The following SLC39A8 variants were observed in gnomAD, a reference collection of about 807,000 sequenced individuals.
The protein encoded by SLC39A8 is metal cation symporter ZIP8.
A neutral mutation model predicts 40.4 loss-of-function variants in SLC39A8; 15 were observed. That is an observed-to-expected ratio of 0.37 (90% CI 0.25 to 0.57). The LOEUF (loss-of-function observed/expected upper bound fraction) is 0.57, where lower values mean the gene tolerates loss of function less well. SLC39A8 is among the 20% of genes least tolerant of loss of function. The pLI, the probability that SLC39A8 is intolerant of heterozygous loss-of-function variation, is 0.75. For synonymous variants in SLC39A8, 223 were observed against 221.6 expected (o/e 1.01, Z -0.06); for missense variants, 472 against 558.8 (o/e 0.84, Z 1.57).
chr4:102,310,014 A>C (rs1290297078), intron 3 of SLC39A8, among the ~76,000 whole-genome samples: 1 of 151,938 alleles, frequency 6.6e-6, no homozygotes, highest in Non-Finnish European at 1.5e-5. Context: ...ACAGACTTAT[A>C]CTAAATCACA....
intron 2 of SLC39A8, among the ~76,000 whole-genome samples, chr4:102,336,961 A>T (rs1012149377): frequency 6.6e-6 from 1 of 152,194 alleles, no homozygotes; most frequent in Non-Finnish European, 1.5e-5. Flanking sequence ...GTTTAGTAAC[A>T]TTCTTTTTTT....
rs921394951 is a variant in SLC39A8 at position 102,268,015 on chromosome 4, G to A, written c.905C>T (p.Thr302Met). The change falls in exon 7 of 9, where the codon ACG (threonine) becomes ATG (methionine). Residue 302 changes from threonine (T) to methionine (M), a missense_variant. By Grantham distance (81) the Thr-to-Met change is moderately conservative. Transcript: ENST00000356736. ...GCAGAGCGTTATCATCCAGGCAATCGTCCCTATTTCTGACAGTTTGGGCCC... is the reference window on the plus strand; with the variant it reads ...GCAGAGCGTTATCATCCAGGCAATCATCCCTATTTCTGACAGTTTGGGCCC... ...LKGPKLSEIG[T>M]IAWMITLCDA... is the part of the protein sequence containing the mutation. 9 of 1,614,192 alleles carry A rather than the reference G, an allele frequency of 5.6e-6. No individual in the cohort carries two copies. Among genetic ancestry groups the A allele is most frequent in the Non-Finnish European group, 5.1e-6 (6 of 1,180,038 alleles).
In SLC39A8 at chr4:102,305,023, C is replaced by T; in HGVS notation, c.641G>A (p.Arg214Lys). The change falls in exon 5 of 9, where the codon AGA (arginine) becomes AAA (lysine). Residue 214 changes from arginine to lysine, a missense_variant. Arg to Lys is a conservative substitution (Grantham distance 26, BLOSUM62 2). Around this residue, in one of 4 missense-constraint regions of SLC39A8, gnomAD observed 239 missense variants for 317.9 expected, o/e 0.75. Transcript: ENST00000356736. Reference protein sequence around the residue: ...GGFYLLFFFERMLKMLLKTYG... With the variant: ...GGFYLLFFFEKMLKMLLKTYG... The stretch of plus-strand genomic sequence containing the variant: ...TGTCTTTAATAACATCTTTAGCATT[C>T]TTTCAAAAAAGAAAAGTAGGTAAAA... 1 of 1,607,824 alleles carries T rather than the reference C, an allele frequency of 6.2e-7. No homozygotes were observed. Among genetic ancestry groups the T allele is most frequent in the Non-Finnish European group, 8.5e-7 (1 of 1,175,780 alleles).
intron 6 of SLC39A8, among the ~76,000 whole-genome samples, chr4:102,295,493 C>A (rs17032496): frequency 3.3e-5 from 5 of 152,002 alleles, no homozygotes; most frequent in Non-Finnish European, 7.4e-5. Flanking sequence ...CACATTCATA[C>A]CTAATCTTAT....
chr4:102,313,220 C>T (rs984866020), intron 3 of SLC39A8, among the ~76,000 whole-genome samples: 1 of 152,250 alleles, frequency 6.6e-6, no homozygotes, highest in Admixed American at 6.5e-5. Flanking sequence ...GGCTCTACCA[C>T]ATGCAAGTTG....
intron 6 of SLC39A8, among the ~76,000 whole-genome samples, chr4:102,273,950 A>G (rs1297232693): frequency 2.0e-5 from 3 of 152,248 alleles, no homozygotes; most frequent in Non-Finnish European, 2.9e-5. Context: ...GAAGGTCACC[A>G]ACAGCAAAGA....
At chr4:102,305,185 G>T in intron 4 of SLC39A8, 74 bp from the exon 5 acceptor site, 1 of 1,438,658 alleles carries the variant, frequency 7.0e-7, no homozygotes, top group Non-Finnish European at 9.5e-7. Context: ...ATACCAGTAT[G>T]CAATTCTCAC....
chr4:102,266,029 T>C (rs1359865156), intron 8 of SLC39A8, among the ~76,000 whole-genome samples: 1 of 152,240 alleles, frequency 6.6e-6, no homozygotes. Flanking sequence ...TAGTTTATTC[T>C]AGATTCCTTT....
At chr4:102,261,453 C>T (rs1007319446), downstream of SLC39A8, among the ~76,000 whole-genome samples, 13 of 152,166 alleles carry the variant, frequency 8.5e-5, no homozygotes, top group African/African-American at 2.7e-4. Context: ...TACTAAGTAA[C>T]GAGAGATCAT....
intron 2 of SLC39A8, among the ~76,000 whole-genome samples, chr4:102,319,387 T>C (rs1030918902): frequency 6.6e-6 from 1 of 152,182 alleles, no homozygotes; most frequent in Non-Finnish European, 1.5e-5. Flanking sequence ...TCTCCTTGAC[T>C]AAACTGCAGT....
intron 6 of SLC39A8, among the ~76,000 whole-genome samples, chr4:102,288,633 T>C (rs936313128): frequency 1.3e-5 from 2 of 152,002 alleles, no homozygotes; most frequent in African/African-American, 2.4e-5. Flanking sequence ...TTGAAGGAAA[T>C]TAAAAGTGCT....
chr4:102,332,722 T>C (rs2149052263), intron 2 of SLC39A8, among the ~76,000 whole-genome samples: 1 of 152,344 alleles, frequency 6.6e-6, no homozygotes, highest in South Asian at 2.1e-4. Context: ...AACACATATG[T>C]TTATTGCAGC....
At chr4:102,341,989 T>C (rs1735964150) in intron 2 of SLC39A8, among the ~76,000 whole-genome samples, 1 of 152,224 alleles carries the variant, frequency 6.6e-6, no homozygotes, top group African/African-American at 2.4e-5. Flanking sequence ...ATGTGCATTG[T>C]TTATTCCACC....
At chr4:102,312,548 C>A (rs1184475827) in intron 3 of SLC39A8, among the ~76,000 whole-genome samples, 1 of 152,072 alleles carries the variant, frequency 6.6e-6, no homozygotes, top group Non-Finnish European at 1.5e-5. Context: ...GAGTAATTAA[C>A]TTGCACAGAG....
Position 102,261,855 on chromosome 4 carries a change from C to T in SLC39A8, c.*1189G>A. ...GTTGGGCTTTGTCAATCATTTTCCT[C>T]ACCATCAAATCACCTTAAGTGACTT... On this transcript the variant is annotated 3_prime_UTR_variant, in exon 9 of 9. Coordinates refer to ENST00000356736, the MANE Select transcript of SLC39A8 (RefSeq NM_001135146.2). 1.0e-6 allele frequency: 1 copy of T among 985,458 alleles called. No homozygotes were observed. The highest frequency in any genetic ancestry group is 1.2e-6 in the Non-Finnish European group (1 of 829,490). The allele number at this position is 985,458 out of a possible 1,614,324, so 61.0% of individuals were successfully genotyped here.
chr4:102,307,438 C>T lies in SLC39A8; in HGVS notation c.550G>A (p.Glu184Lys). ...AAACAAATAGCCAACATCCTTACCT[C>T]TGGAATAAGTTGGAAAATTGCATTT... is the stretch of plus-strand genomic sequence containing the variant. ...FSNAIFQLIP[E>K]AFGFDPKVDS... The change falls in exon 4 of 9, where the codon GAG becomes AAG. Residue 184 changes from glutamate (E) to lysine (K), a missense_variant and splice_region_variant. Around this residue, in one of 4 missense-constraint regions of SLC39A8, gnomAD observed 239 missense variants for 317.9 expected, o/e 0.75. Transcript: ENST00000356736. The T allele has an allele frequency of 6.2e-7, 1 of 1,613,008 alleles. No homozygotes were observed. The highest frequency in any genetic ancestry group is 8.5e-7 in the Non-Finnish European group (1 of 1,179,492).
intron 3 of SLC39A8, among the ~76,000 whole-genome samples, chr4:102,313,652 TAATCATAGGTC>T (rs1392400007): frequency 2.0e-5 from 3 of 151,966 alleles, no homozygotes; most frequent in Non-Finnish European, 2.9e-5. Context: ...TACAGTGGGG[TAATCATAGGTC>T]ACTGCAGCCT....
intron 2 of SLC39A8, among the ~76,000 whole-genome samples, chr4:102,331,939 G>T (rs1303185435): frequency 6.6e-6 from 1 of 152,198 alleles, no homozygotes; most frequent in Admixed American, 6.5e-5. Flanking sequence ...TTAATAAATG[G>T]TGTTGGGAAA....
At chr4:102,329,780 G>C (rs1735369713) in intron 2 of SLC39A8, among the ~76,000 whole-genome samples, 1 of 152,110 alleles carries the variant, frequency 6.6e-6, no homozygotes, top group African/African-American at 2.4e-5. Context: ...ATAATTGGAA[G>C]TAAAACACTC....
Sources: gnomAD v4.1 joint callset for allele counts (sites outside exome capture counted in the v4.1 genomes callset) on GRCh38, gnomAD v4.1.1 for gene constraint, gnomAD v4.1.1 regional missense constraint, MANE v1.5 for transcripts, NCBI Gene and HGNC (gene_info 2026-07-23, HGNC 2026-07-21) for gene names.